QKI: variants seen among roughly 807,000 people sequenced by gnomAD.
The protein encoded by QKI is QKI, KH domain containing RNA binding, also known as KH domain-containing RNA-binding protein QKI.
In QKI, 10 loss-of-function variants were observed where a neutral mutation model predicts 39.0. The ratio of observed to expected loss-of-function variants is 0.26; its 90% CI spans 0.16 to 0.43. QKI has a LOEUF of 0.43. QKI is among the 20% of genes least tolerant of loss of function. The pLI is 1.00. For missense variants in QKI, 218 were observed against 428.0 expected (o/e 0.51, Z 4.33); for synonymous variants, 204 against 155.4 (o/e 1.31, Z -2.33).
chr6:163,423,829 C>T (rs965214495), intron 1 of QKI, among the ~76,000 whole-genome samples: 3 of 152,140 alleles, frequency 2.0e-5, no homozygotes, highest in African/African-American at 7.2e-5. Context: ...ATTTTTACTA[C>T]TCAAGAGGAA....
At chr6:163,561,154 C>T (rs1583224123) in intron 4 of QKI, among the ~76,000 whole-genome samples, 1 of 152,264 alleles carries the variant, frequency 6.6e-6, no homozygotes, top group East Asian at 1.9e-4. Context: ...TATTATTTCA[C>T]TGAGTTTTCA....
intron 5 of QKI, among the ~76,000 whole-genome samples, chr6:163,562,481 C>T (rs1357283466): frequency 6.6e-6 from 1 of 152,134 alleles, no homozygotes; most frequent in African/African-American, 2.4e-5. Context: ...CTGTTGAGTT[C>T]TGTCCTTTCA....
intron 3 of QKI, among the ~76,000 whole-genome samples, chr6:163,511,103 T>G (rs1328931242): frequency 2.0e-5 from 3 of 152,164 alleles, no homozygotes; most frequent in Admixed American, 1.3e-4. Context: ...GAATTAAATT[T>G]CAAGTATTTG....
intron 3 of QKI, among the ~76,000 whole-genome samples, chr6:163,497,655 A>G (rs889394935): frequency 1.3e-5 from 2 of 151,530 alleles, no homozygotes; most frequent in Non-Finnish European, 2.9e-5. Flanking sequence ...AAAAAAATCC[A>G]TGTTTTTGTT....
intron 1 of QKI, among the ~76,000 whole-genome samples, chr6:163,449,659 TTGAG>T (rs1247186400): frequency 6.6e-6 from 1 of 152,206 alleles, no homozygotes; most frequent in Non-Finnish European, 1.5e-5. Flanking sequence ...TTGCTTATGA[TTGAG>T]TTAGTAAATA....
chr6:163,530,940 TC>T (rs1780810903), intron 3 of QKI, among the ~76,000 whole-genome samples: 2 of 152,300 alleles, frequency 1.3e-5, no homozygotes, highest in South Asian at 4.1e-4. Flanking sequence ...GCTTTCTTTT[TC>T]TTTATATTGG....
At chr6:163,566,614 T>A in intron 6 of QKI, 107 bp from the exon 7 acceptor site, 1 of 1,544,120 alleles carries the variant, frequency 6.5e-7, no homozygotes, top group Non-Finnish European at 8.7e-7. Context: ...CTTAAACTTT[T>A]GTAGTAAATG....
At chr6:163,522,027 C>G (rs1412102161) in intron 3 of QKI, among the ~76,000 whole-genome samples, 1 of 152,188 alleles carries the variant, frequency 6.6e-6, no homozygotes, top group African/African-American at 2.4e-5. Context: ...CAGGAAAGAA[C>G]AGAGATAGGA....
In QKI at chr6:163,535,081, T is replaced by C. The variant is rs780852537; in HGVS notation, c.502T>C (p.Leu168=). ...TGCTCAGAACAGAGCAGAAATCAAA[T>C]TGAAGAGAGCAGTTGAAGAAGTGAA... ...EDAQNRAEIK[L]KRAVEEVKKL... is the part of the protein sequence containing the mutation. The change falls in exon 4 of 8, where the codon TTG becomes CTG. Residue 168 remains leucine (L), a synonymous_variant. Transcript: ENST00000361752. 4.3e-6 allele frequency: 7 copies of C among 1,610,082 alleles called. No homozygotes were observed. Among genetic ancestry groups the C allele is most frequent in the Non-Finnish European group, 5.1e-6 (6 of 1,178,314 alleles).
At chr6:163,508,516 C>T (rs1562497540) in intron 3 of QKI, among the ~76,000 whole-genome samples, 1 of 42,280 alleles carries the variant, frequency 2.4e-5, no homozygotes. Flanking sequence ...TTCTTTCTTT[C>T]TTTCTTTCTT....
intron 1 of QKI, among the ~76,000 whole-genome samples, chr6:163,439,929 C>T (rs1401279834): frequency 6.6e-6 from 1 of 152,130 alleles, no homozygotes; most frequent in African/African-American, 2.4e-5. Context: ...GAATTACAGA[C>T]GTGAGCTACT....
chr6:163,434,101 G>T (rs1789056255), intron 1 of QKI, among the ~76,000 whole-genome samples: 1 of 151,954 alleles, frequency 6.6e-6, no homozygotes, highest in African/African-American at 2.4e-5. Context: ...GCTCTTTGCT[G>T]GGTGCTGGGG....
chr6:163,525,665 A>G (rs916673002), intron 3 of QKI, among the ~76,000 whole-genome samples: 24 of 152,088 alleles, frequency 1.6e-4, no homozygotes, highest in African/African-American at 4.1e-4. Flanking sequence ...ACGCCCGGCC[A>G]TCTTGTTTCT....
At chr6:163,514,565 A>G (rs776304027) in intron 3 of QKI, among the ~76,000 whole-genome samples, 2 of 152,152 alleles carry the variant, frequency 1.3e-5, no homozygotes, top group Non-Finnish European at 2.9e-5. Flanking sequence ...TATCAGTTTC[A>G]TAATTGTCTG....
At chr6:163,517,503 C>T (rs923289999) in intron 3 of QKI, among the ~76,000 whole-genome samples, 3 of 151,986 alleles carry the variant, frequency 2.0e-5, no homozygotes, top group African/African-American at 4.8e-5. Context: ...TTGAAACCTC[C>T]GTCTCCCAGG....
chr6:163,549,548 G>A (rs1782101359), intron 4 of QKI, among the ~76,000 whole-genome samples: 1 of 151,840 alleles, frequency 6.6e-6, no homozygotes, highest in African/African-American at 2.4e-5. Context: ...CCATCTTTAC[G>A]AAAAATACAA....
chr6:163,565,900 G>A lies in QKI; in HGVS notation c.935-821G>A, dbSNP rs375449490. 5 of 1,612,102 alleles carry A rather than the reference G, an allele frequency of 3.1e-6. No homozygotes were observed. In the African/African-American group the frequency reaches 6.7e-5, roughly 22 times the overall value. Reference sequence around the variant, plus strand: ...GTGAGGAGATTGGTATTAGCATCAAGTCTTCATTGATGACTAATTTTTAAT... The same window carrying A: ...GTGAGGAGATTGGTATTAGCATCAAATCTTCATTGATGACTAATTTTTAAT... On this transcript the variant is annotated intron_variant, in intron 6 of 7. Coordinates refer to ENST00000361752, the MANE Select transcript of QKI (RefSeq NM_006775.3).
At chr6:163,473,889 G>T (rs576935613) in intron 2 of QKI, among the ~76,000 whole-genome samples, 2 of 150,428 alleles carry the variant, frequency 1.3e-5, no homozygotes, top group South Asian at 2.1e-4. Context: ...AAGAAAAATT[G>T]TGGGCCAGTT....
intron 1 of QKI, among the ~76,000 whole-genome samples, chr6:163,453,944 C>T (rs936419120): frequency 4.0e-5 from 6 of 151,814 alleles, no homozygotes; most frequent in Non-Finnish European, 7.4e-5. Flanking sequence ...TTTATTTAAC[C>T]GAAACTGATT....
Sources: allele counts gnomAD v4.1 joint callset (sites outside exome capture counted in the v4.1 genomes callset), GRCh38; gene constraint gnomAD v4.1.1; transcripts MANE v1.5; gene names NCBI Gene and HGNC (gene_info 2026-07-23, HGNC 2026-07-21).